Variants in DLGAP2 observed in about 807,000 individuals in gnomAD.
DLGAP2 encodes disks large-associated protein 2.
In DLGAP2, 26 loss-of-function variants were observed where a neutral mutation model predicts 100.3. The ratio of observed to expected loss-of-function variants is 0.26; its 90% CI spans 0.19 to 0.36. The LOEUF is 0.36. DLGAP2 is among the 10% of genes least tolerant of loss of function. The pLI, the probability that DLGAP2 is intolerant of heterozygous loss-of-function variation, is 1.00. For missense variants in DLGAP2, 1,858 were observed against 1,453.2 expected (o/e 1.28, Z -4.53); for synonymous variants, 886 against 630.1 (o/e 1.41, Z -6.08).
chr8:1,173,495 A>G (rs1797177571), intron 2 of DLGAP2, among the ~76,000 whole-genome samples: 1 of 152,216 alleles, frequency 6.6e-6, no homozygotes, highest in Non-Finnish European at 1.5e-5. Context: ...GGTGTAGCCT[A>G]CAGAGGCAGG....
intron 3 of DLGAP2, among the ~76,000 whole-genome samples, chr8:1,467,919 A>G (rs544881937): frequency 6.6e-6 from 1 of 152,360 alleles, no homozygotes; most frequent in South Asian, 2.1e-4. Context: ...GTTTCACTAA[A>G]CATAAATAAA....
At chr8:1,273,826 A>G (rs1407129274) in intron 3 of DLGAP2, among the ~76,000 whole-genome samples, 1 of 152,252 alleles carries the variant, frequency 6.6e-6, no homozygotes, top group Non-Finnish European at 1.5e-5. Flanking sequence ...GCAAAAGGCT[A>G]GAATGACATT....
intron 2 of DLGAP2, among the ~76,000 whole-genome samples, chr8:1,220,750 C>G (rs1373844485): frequency 1.3e-5 from 2 of 152,080 alleles, no homozygotes; most frequent in Non-Finnish European, 2.9e-5. Context: ...TTTTCATAGG[C>G]CTCTGAGAAA....
In DLGAP2 at chr8:882,129, T is replaced by C. The variant is rs1168745613; in HGVS notation, c.19-25783T>C. ...TTGAAATGGCTCCTTAATAGAGAAC[T>C]TAAGAGAGGCGTCAGTGATGCTCCA... On this transcript the variant is annotated intron_variant, in intron 1 of 14. Transcript: ENST00000637795. Among the ~76,000 whole-genome samples the C allele has an allele frequency of 2.6e-5, 4 of 152,212 alleles. No homozygotes were observed. In the South Asian group the frequency reaches 6.2e-4, roughly 24 times the overall value.
intron 3 of DLGAP2, among the ~76,000 whole-genome samples, chr8:1,282,333 C>A (rs1182520741): frequency 6.7e-6 from 1 of 148,832 alleles, no homozygotes; most frequent in Admixed American, 6.7e-5. Flanking sequence ...GTGACCTGAA[C>A]CCAGCGCCCT....
At chr8:1,333,083 T>C (rs1186711158) in intron 3 of DLGAP2, among the ~76,000 whole-genome samples, 1 of 152,150 alleles carries the variant, frequency 6.6e-6, no homozygotes, top group East Asian at 1.9e-4. Flanking sequence ...GAGGTCAGGC[T>C]CTTCATGCCT....
At chr8:934,567 G>C (rs1342857173) in intron 2 of DLGAP2, among the ~76,000 whole-genome samples, 1 of 152,178 alleles carries the variant, frequency 6.6e-6, no homozygotes, top group Admixed American at 6.5e-5. Context: ...AGGGGGTGGA[G>C]AGGAAGCGAG....
At chr8:1,190,178 C>A (rs1468775949) in intron 2 of DLGAP2, among the ~76,000 whole-genome samples, 1 of 152,144 alleles carries the variant, frequency 6.6e-6, no homozygotes, top group Non-Finnish European at 1.5e-5. Flanking sequence ...TAAATAGATT[C>A]CATGTTGCCC....
intron 1 of DLGAP2, among the ~76,000 whole-genome samples, chr8:824,520 T>C (rs2132691403): frequency 6.6e-6 from 1 of 152,308 alleles, no homozygotes; most frequent in Admixed American, 6.5e-5. Context: ...GGGCAGCTTT[T>C]ATGGTTTGAG....
At position 1,293,375 on chromosome 8, in the gene DLGAP2, G is replaced by A. The variant is rs921842174; in HGVS notation, c.106+34492G>A. On this transcript the variant is annotated intron_variant, in intron 3 of 14. Transcript: ENST00000637795. ...CTGTGCCTCCCTTTTCTGGGCTCCC[G>A]GACGGCTGAGCCATGGCTCCTTCCC... Among the ~76,000 whole-genome samples the A allele has an allele frequency of 4.0e-5, 6 of 151,896 alleles. No homozygotes were observed. The East Asian group carries it at 5.8e-4, about 15-fold the overall frequency.
At chr8:837,495 A>G (rs892373928) in intron 1 of DLGAP2, among the ~76,000 whole-genome samples, 5 of 152,144 alleles carry the variant, frequency 3.3e-5, no homozygotes, top group Non-Finnish European at 5.9e-5. Context: ...CAACATTTTT[A>G]TAGCGTGTTC....
intron 4 of DLGAP2, among the ~76,000 whole-genome samples, chr8:1,503,852 G>A (rs935785022): frequency 3.3e-5 from 5 of 152,246 alleles, no homozygotes; most frequent in East Asian, 3.9e-4. Flanking sequence ...CCTCAAACAC[G>A]TGCCTGGCTT....
intron 8 of DLGAP2, among the ~76,000 whole-genome samples, chr8:1,666,320 C>A (rs1798543211): frequency 6.6e-6 from 1 of 152,206 alleles, no homozygotes; most frequent in Non-Finnish European, 1.5e-5. Context: ...AACATCTGAT[C>A]ATCCTTCCTC....
chr8:1,280,527 GA>G (rs1355363486), intron 3 of DLGAP2, among the ~76,000 whole-genome samples: 8 of 152,212 alleles, frequency 5.3e-5, no homozygotes, highest in Non-Finnish European at 8.8e-5. Context: ...GTCTATAAAG[GA>G]GGAGGGATTT....
At chr8:863,185 G>C (rs1442884330) in intron 1 of DLGAP2, among the ~76,000 whole-genome samples, 1 of 152,198 alleles carries the variant, frequency 6.6e-6, no homozygotes, top group Admixed American at 6.5e-5. Context: ...TAAGGGACCA[G>C]CCTATTTTGT....
intron 4 of DLGAP2, among the ~76,000 whole-genome samples, chr8:1,503,044 C>T (rs529521368): frequency 6.6e-6 from 1 of 152,274 alleles, no homozygotes; most frequent in African/African-American, 2.4e-5. Context: ...TTTGTTTGTT[C>T]TGCAGCCACA....
At chr8:1,670,245 G>C (rs1798657045) in intron 10 of DLGAP2, among the ~76,000 whole-genome samples, 2 of 152,136 alleles carry the variant, frequency 1.3e-5, no homozygotes, top group African/African-American at 2.4e-5. Context: ...GAAATGAGTG[G>C]GACATAATTT....
intron 2 of DLGAP2, among the ~76,000 whole-genome samples, chr8:1,245,656 T>C (rs1191710250): frequency 6.6e-6 from 1 of 152,198 alleles, no homozygotes; most frequent in Non-Finnish European, 1.5e-5. Flanking sequence ...TGATTGATTG[T>C]GGGGATGGCT....
In DLGAP2 at chr8:1,237,079, C is replaced by T. The variant is rs539571626; in HGVS notation, c.74-21772C>T. Among the ~76,000 whole-genome samples the T allele has an allele frequency of 4.7e-3, 625 of 132,022 alleles. 18 individuals carry two copies. The highest frequency in any genetic ancestry group is 7.9e-3 in the Non-Finnish European group (501 of 63,304). 86.6% of individuals were successfully genotyped at this position (132,022 alleles called of 152,430 possible). ...CACCATGTCTAGTTCTGTCACATGGCGCCGTGTCTAGTTCTCTCACATGGC... is the reference window on the plus strand; with the variant it reads ...CACCATGTCTAGTTCTGTCACATGGTGCCGTGTCTAGTTCTCTCACATGGC... On this transcript the variant is annotated intron_variant, in intron 2 of 14. Coordinates refer to ENST00000637795, the MANE Select transcript of DLGAP2 (RefSeq NM_001346810.2).
Sources: gnomAD v4.1 joint callset for allele counts (sites outside exome capture counted in the v4.1 genomes callset) on GRCh38, gnomAD v4.1.1 for gene constraint, MANE v1.5 for transcripts, NCBI Gene and HGNC (gene_info 2026-07-23, HGNC 2026-07-21) for gene names.